MYRIP: variants seen among roughly 807,000 people sequenced by gnomAD.
MYRIP encodes rab effector MyRIP.
Under a neutral mutation model 98.0 loss-of-function variants are expected in MYRIP, and 49 were observed. The observed-to-expected ratio is 0.50, with a 90% CI of 0.40 to 0.63. The LOEUF (loss-of-function observed/expected upper bound fraction) is 0.63, where lower values mean the gene tolerates loss of function less well. MYRIP is among the 30% of genes least tolerant of loss of function. MYRIP has a pLI of 0.00. For missense variants in MYRIP, 1,004 were observed against 1,058.2 expected, an observed-to-expected ratio of 0.95 and a Z score of 0.71; for synonymous variants, 404 against 409.5, an observed-to-expected ratio of 0.99 and a Z score of 0.16.
intron 3 of MYRIP, among the ~76,000 whole-genome samples, chr3:40,094,001 C>T (rs1179314093): frequency 6.6e-6 from 1 of 152,136 alleles, no homozygotes; most frequent in Non-Finnish European, 1.5e-5. Flanking sequence ...CCTCCTACCA[C>T]AAGGCCTTTG....
chr3:39,962,240 T>C (rs1246399173), intron 2 of MYRIP, among the ~76,000 whole-genome samples: 1 of 152,106 alleles, frequency 6.6e-6, no homozygotes, highest in Non-Finnish European at 1.5e-5. Flanking sequence ...CATAAAAATT[T>C]AGGCATCACC....
At chr3:39,920,368 G>A (rs1048654234) in intron 2 of MYRIP, among the ~76,000 whole-genome samples, 1 of 152,102 alleles carries the variant, frequency 6.6e-6, no homozygotes, top group African/African-American at 2.4e-5. Context: ...AGAAATGCTA[G>A]TGTTTGTTTT....
intron 9 of MYRIP, among the ~76,000 whole-genome samples, chr3:40,186,902 A>G (rs1284209436): frequency 6.6e-6 from 1 of 152,182 alleles, no homozygotes; most frequent in Non-Finnish European, 1.5e-5. Flanking sequence ...AAATAGAAAT[A>G]CTTTTCTCAA....
intron 2 of MYRIP, among the ~76,000 whole-genome samples, chr3:39,959,652 C>G (rs993674692): frequency 1.3e-5 from 2 of 149,392 alleles, no homozygotes; most frequent in African/African-American, 2.5e-5. Context: ...TGCACATGTA[C>G]CCTAGTACTT....
intron 2 of MYRIP, among the ~76,000 whole-genome samples, chr3:40,032,402 A>C (rs1391517806): frequency 6.6e-6 from 1 of 151,860 alleles, no homozygotes; most frequent in Non-Finnish European, 1.5e-5. Context: ...AGTTTGTTAT[A>C]CTTTCTGTTC....
chr3:39,816,980 T>C (rs1940939465), intron 1 of MYRIP, among the ~76,000 whole-genome samples: 1 of 152,218 alleles, frequency 6.6e-6, no homozygotes, highest in Non-Finnish European at 1.5e-5. Context: ...CACTTATATG[T>C]AGGTCCCCAT....
Position 40,258,408 on chromosome 3 carries a change from G to C in MYRIP, c.*242G>C. 1 of 477,310 alleles carries C rather than the reference G, an allele frequency of 2.1e-6. No homozygotes were observed. Among genetic ancestry groups the C allele is most frequent in the East Asian group, 3.0e-5 (1 of 33,656 alleles). The allele number at this position is 477,310 out of a possible 1,614,324, so 29.6% of individuals were successfully genotyped here. A position where few individuals can be genotyped will look rare whatever the true frequency, so the allele number is the denominator to read the frequency against. ...AGGGGAATCCAAGACAGAAAATGAA[G>C]ACACTGGCTTCCAACAGCAGCGCTC... On this transcript the variant is annotated 3_prime_UTR_variant, in exon 17 of 17. Coordinates refer to ENST00000302541, the MANE Select transcript of MYRIP (RefSeq NM_015460.4).
chr3:40,254,987 C>T (rs1179564403), intron 16 of MYRIP, among the ~76,000 whole-genome samples: 1 of 152,180 alleles, frequency 6.6e-6, no homozygotes, highest in Admixed American at 6.5e-5. Context: ...GATAGAAGCA[C>T]CACGTAATGG....
intron 4 of MYRIP, among the ~76,000 whole-genome samples, chr3:40,154,622 A>G (rs1301946547): frequency 6.6e-6 from 1 of 152,136 alleles, no homozygotes; most frequent in African/African-American, 2.4e-5. Context: ...AATGTGTGCC[A>G]TGGTGGTTTT....
intron 1 of MYRIP, among the ~76,000 whole-genome samples, chr3:39,836,250 C>T (rs1941620921): frequency 6.6e-6 from 1 of 152,150 alleles, no homozygotes; most frequent in African/African-American, 2.4e-5. Context: ...TCCTCTCCAG[C>T]ATCTTTGTTT....
rs563463558 is a variant in MYRIP at position 40,210,089 on chromosome 3, A to G, written c.1901A>G (p.Lys634Arg). The G allele has an allele frequency of 3.1e-6, 5 of 1,613,690 alleles. No individual in the cohort carries two copies. The highest frequency in any genetic ancestry group is 4.2e-6 in the Non-Finnish European group (5 of 1,179,788). ...DNSQSVQEEL[K>R]KKFSAVSLCN... ...AGCCAGAGTGTCCAGGAAGAGCTGA[A>G]GAAGGTAAGGGCTGTGAAGCCACCT... is the stretch of plus-strand genomic sequence containing the variant. The change falls in exon 11 of 17, where the codon AAG (lysine) becomes AGG (arginine). Residue 634 changes from lysine (K) to arginine (R), a missense_variant. This residue lies in a region of MYRIP where 880 missense variants were observed against 907.7 expected (regional missense o/e 0.97). Coordinates refer to ENST00000302541, the MANE Select transcript of MYRIP (RefSeq NM_015460.4).
intron 3 of MYRIP, among the ~76,000 whole-genome samples, chr3:40,128,889 T>G (rs866597081): frequency 2.0e-5 from 3 of 152,236 alleles, no homozygotes; most frequent in Non-Finnish European, 4.4e-5. Context: ...CAATTTAGCT[T>G]GTTGCAGATT....
At chr3:39,852,491 A>G (rs1421514359) in intron 1 of MYRIP, among the ~76,000 whole-genome samples, 2 of 152,116 alleles carry the variant, frequency 1.3e-5, no homozygotes, top group East Asian at 3.9e-4. Context: ...CTGTCACCTG[A>G]GCAGTGTACA....
intron 3 of MYRIP, among the ~76,000 whole-genome samples, chr3:40,129,296 C>G (rs748431243): frequency 6.6e-6 from 1 of 151,358 alleles, no homozygotes; most frequent in Non-Finnish European, 1.5e-5. Context: ...AAAAAATTAG[C>G]CAGGCATAGT....
At chr3:40,189,496 T>TCTCCC (rs999369263) in intron 9 of MYRIP, among the ~76,000 whole-genome samples, 4 of 152,142 alleles carry the variant, frequency 2.6e-5, no homozygotes, top group Non-Finnish European at 4.4e-5. Flanking sequence ...ACTGCAGCCC[T>TCTCCC]CTCCCCTCCC....
chr3:40,031,365 G>T (rs928124601), intron 2 of MYRIP, among the ~76,000 whole-genome samples: 43 of 152,084 alleles, frequency 2.8e-4, no homozygotes, highest in African/African-American at 9.9e-4. Context: ...ACCACAGCAG[G>T]GTAAAAGTGA....
chr3:40,099,221 AAAT>A (rs991727934), intron 3 of MYRIP, among the ~76,000 whole-genome samples: 2 of 152,192 alleles, frequency 1.3e-5, no homozygotes, highest in Non-Finnish European at 2.9e-5. Context: ...ATTTACAAAA[AAAT>A]GTGTTTCTTC....
chr3:40,229,606 G>A (rs1952591524), intron 11 of MYRIP, among the ~76,000 whole-genome samples: 1 of 152,214 alleles, frequency 6.6e-6, no homozygotes, highest in Non-Finnish European at 1.5e-5. Context: ...AGGCTGAGAG[G>A]AGTCAGATCT....
rs538568118 is a variant in MYRIP at position 39,974,036 on chromosome 3, A to T, written c.111-70014A>T. ...ACATTCAAAGCTAGCAGAAGGCAAG[A>T]AATAACTAAGATCAGAGCAGAACTG... On this transcript the variant is annotated intron_variant, in intron 2 of 16. Coordinates refer to ENST00000302541, the MANE Select transcript of MYRIP (RefSeq NM_015460.4). Among the ~76,000 whole-genome samples the T allele has an allele frequency of 1.1e-4, 17 of 152,276 alleles. No individual in the cohort carries two copies. The South Asian group carries it at 2.7e-3, about 24-fold the overall frequency.
Sources: gnomAD v4.1 joint callset for allele counts (sites outside exome capture counted in the v4.1 genomes callset) on GRCh38, gnomAD v4.1.1 for gene constraint, gnomAD v4.1.1 regional missense constraint, MANE v1.5 for transcripts, NCBI Gene and HGNC (gene_info 2026-07-23, HGNC 2026-07-21) for gene names.